The following ERG variants were observed in gnomAD, a reference collection of about 807,000 sequenced individuals.
The protein encoded by ERG is transcriptional regulator ERG.
ERG carries 9 observed loss-of-function variants against 55.3 expected under a neutral mutation model. That is an observed-to-expected ratio of 0.16 (90% confidence interval 0.10 to 0.28). The LOEUF (loss-of-function observed/expected upper bound fraction) is 0.28, where lower values mean the gene tolerates loss of function less well. ERG is among the 10% of genes least tolerant of loss of function. The pLI is 1.00. For synonymous variants in ERG, 223 were observed against 237.3 expected (o/e 0.94, Z 0.55); for missense variants, 434 against 631.6 (o/e 0.69, Z 3.35).
intron 2 of ERG, among the ~76,000 whole-genome samples, chr21:38,551,731 C>T (rs1338039669): frequency 1.3e-5 from 2 of 151,664 alleles, no homozygotes; most frequent in African/African-American, 2.4e-5. Context: ...GGTTTTTTTT[C>T]ATTTGTTGCA....
chr21:38,474,696 T>C (rs563333462), intron 1 of ERG, among the ~76,000 whole-genome samples: 26 of 151,586 alleles, frequency 1.7e-4, no homozygotes, highest in African/African-American at 5.6e-4. Flanking sequence ...ATAGCCCTTG[T>C]ATAAACAAAC....
chr21:38,462,013 G>A (rs764506562), intron 1 of ERG, among the ~76,000 whole-genome samples: 137 of 150,820 alleles, frequency 9.1e-4, no homozygotes, highest in Non-Finnish European at 8.1e-4. Context: ...ACGGAGTCTC[G>A]CCCTGTTGCC....
intron 2 of ERG, among the ~76,000 whole-genome samples, chr21:38,561,001 T>G (rs1416789229): frequency 3.9e-5 from 6 of 152,246 alleles, no homozygotes; most frequent in African/African-American, 1.2e-4. Flanking sequence ...AACACATACT[T>G]TTTAATACTA....
chr21:38,572,628 A>G (rs958994345), intron 2 of ERG, among the ~76,000 whole-genome samples: 4 of 152,194 alleles, frequency 2.6e-5, no homozygotes, highest in Admixed American at 2.6e-4. Context: ...GGAAATAAAT[A>G]TCTTTAACAC....
At chr21:38,402,502 C>T in intron 5 of ERG, 55 bp downstream of exon 5, 1 of 1,352,570 alleles carries the variant, frequency 7.4e-7, no homozygotes, top group Non-Finnish European at 1.0e-6. Flanking sequence ...AAGCATGCAA[C>T]CTGTACGTAA....
chr21:38,580,574 A>G (rs1050864767), intron 1 of ERG, among the ~76,000 whole-genome samples: 5 of 152,184 alleles, frequency 3.3e-5, no homozygotes. Flanking sequence ...GCTAAGGTAT[A>G]TACTTCCATA....
chr21:38,387,319 G>T (rs1987739275), intron 9 of ERG, among the ~76,000 whole-genome samples: 1 of 152,210 alleles, frequency 6.6e-6, no homozygotes. Context: ...TGGACCCTCT[G>T]CAAGGCAGCA....
chr21:38,487,136 T>C (rs1479088163), intron 1 of ERG, among the ~76,000 whole-genome samples: 2 of 77,140 alleles, frequency 2.6e-5, no homozygotes, highest in African/African-American at 9.0e-5. Context: ...TTTTTTTTTT[T>C]CACTATCCTG....
At chr21:38,646,407 T>C (rs1002993721) in intron 1 of ERG, among the ~76,000 whole-genome samples, 3 of 152,102 alleles carry the variant, frequency 2.0e-5, no homozygotes, top group African/African-American at 7.2e-5. Flanking sequence ...CACTTGAAGA[T>C]GAGAAGTGGA....
At chr21:38,542,962 G>A (rs1033311282) in intron 2 of ERG, among the ~76,000 whole-genome samples, 3 of 151,944 alleles carry the variant, frequency 2.0e-5, no homozygotes, top group Admixed American at 1.3e-4. Context: ...CAAATACCTC[G>A]CAGGAGGCCA....
At chr21:38,470,280 A>G (rs1324895518) in intron 1 of ERG, among the ~76,000 whole-genome samples, 2 of 137,210 alleles carry the variant, frequency 1.5e-5, no homozygotes. Flanking sequence ...TATTATTATT[A>G]TTGTTATAAT....
intron 1 of ERG, among the ~76,000 whole-genome samples, chr21:38,611,524 C>A (rs117870289): frequency 6.6e-6 from 1 of 152,134 alleles, no homozygotes; most frequent in Non-Finnish European, 1.5e-5. Flanking sequence ...ACTGGCTGTT[C>A]CATGTGTCTG....
chr21:38,519,005 A>G (rs2059574259), intron 2 of ERG, among the ~76,000 whole-genome samples: 3 of 152,208 alleles, frequency 2.0e-5, no homozygotes, highest in African/African-American at 7.2e-5. Context: ...GGCAGTCATA[A>G]AAGAGGATAT....
At chr21:38,399,260 A>G (rs1359302573) in intron 6 of ERG, among the ~76,000 whole-genome samples, 1 of 152,164 alleles carries the variant, frequency 6.6e-6, no homozygotes, top group African/African-American at 2.4e-5. Context: ...CTGACGTTAG[A>G]GAAGAGAAAA....
At chr21:38,377,832 T>C (rs370545020), downstream of ERG, among the ~76,000 whole-genome samples, 16 of 152,316 alleles carry the variant, frequency 1.1e-4, no homozygotes, top group African/African-American at 2.6e-4. Context: ...AGCTGATGCA[T>C]GTCTAATGCT....
At chr21:38,369,762 T>A in the ERG span, among the ~76,000 whole-genome samples, 2 of 152,238 alleles carry the variant, frequency 1.3e-5, no homozygotes, top group Middle Eastern at 3.2e-3. Context: ...GTTTTACATT[T>A]AAGTCTTTAA....
At chr21:38,659,593 G>A (rs1250843462) in intron 1 of ERG, among the ~76,000 whole-genome samples, 1 of 152,216 alleles carries the variant, frequency 6.6e-6, no homozygotes, top group African/African-American at 2.4e-5. Context: ...AGAATAAAAT[G>A]TATTTTTACT....
At chr21:38,403,357 C>T in intron 4 of ERG, 149 bp downstream of exon 4, 1 of 738,086 alleles carries the variant, frequency 1.4e-6, no homozygotes. Context: ...TAAGTCATCA[C>T]ATACCAAGCA....
chr21:38,575,811 A>G, intron 1 of ERG: 1 of 1,256,884 alleles, frequency 8.0e-7, no homozygotes, highest in Admixed American at 1.9e-5. Flanking sequence ...TTTATGTTCT[A>G]GCAGGACAGG....
Sources: gnomAD v4.1 joint callset for allele counts (sites outside exome capture counted in the v4.1 genomes callset) on GRCh38, gnomAD v4.1.1 for gene constraint, MANE v1.5 for transcripts, NCBI Gene and HGNC (gene_info 2026-07-23, HGNC 2026-07-21) for gene names.